SDK1: variants seen among roughly 807,000 people sequenced by gnomAD.
The protein encoded by SDK1 is protein sidekick-1.
In SDK1, 157 loss-of-function variants were observed where a neutral mutation model predicts 245.5. That is an observed-to-expected ratio of 0.64 (90% CI 0.56 to 0.73). The LOEUF (loss-of-function observed/expected upper bound fraction) is 0.73, where lower values mean the gene tolerates loss of function less well. SDK1 is among the 30% of genes least tolerant of loss of function. The pLI is 0.00. For missense variants in SDK1, 3,583 were observed against 3,002.3 expected, an observed-to-expected ratio of 1.19 and a Z score of -4.52; for synonymous variants, 1,647 against 1,278.5, an observed-to-expected ratio of 1.29 and a Z score of -6.15.
In SDK1 at chr7:3,535,273, TAATA is replaced by T. The variant is rs79935479; in HGVS notation, c.299-83800_299-83797del. ...GAGTGAGACTTTGTCTCCAAAAAAA[TAATA>T]AATAAAGAAAAAGAAAACTGTTAGG... On this transcript the variant is annotated intron_variant, in intron 1 of 44. Coordinates refer to ENST00000404826, the MANE Select transcript of SDK1 (RefSeq NM_152744.4). Among the ~76,000 whole-genome samples, 67 of 152,148 alleles carry T rather than the reference TAATA, an allele frequency of 4.4e-4. 1 individual carries two copies. Among genetic ancestry groups the T allele is most frequent in the Non-Finnish European group, 5.7e-4 (39 of 67,986 alleles).
At chr7:3,792,712 C>G (rs1778842153) in intron 4 of SDK1, among the ~76,000 whole-genome samples, 1 of 151,876 alleles carries the variant, frequency 6.6e-6, no homozygotes, top group African/African-American at 2.4e-5. Flanking sequence ...ATCCATCCAT[C>G]CATCCATCCG....
intron 44 of SDK1, among the ~76,000 whole-genome samples, chr7:4,262,713 C>T (rs1196038923): frequency 2.9e-5 from 4 of 138,200 alleles, no homozygotes; most frequent in Admixed American, 7.2e-5. Flanking sequence ...CATCACCTCC[C>T]CCATCCCCTC....
intron 4 of SDK1, among the ~76,000 whole-genome samples, chr7:3,716,262 T>G (rs1583335700): frequency 2.6e-5 from 4 of 151,190 alleles, no homozygotes; most frequent in Admixed American, 2.6e-4. Context: ...CTTTCTAAAT[T>G]GGGGGAAAAA....
intron 1 of SDK1, among the ~76,000 whole-genome samples, chr7:3,595,658 C>G (rs60347773): frequency 2.6e-5 from 4 of 151,666 alleles, no homozygotes. Context: ...TTGACCTTGA[C>G]TCTGCCACTT....
At chr7:4,180,250 GCCCGGCTCCAGCTCTATGCCCAGTA>G (rs1782516814) in intron 35 of SDK1, among the ~76,000 whole-genome samples, 1 of 145,128 alleles carries the variant, frequency 6.9e-6, no homozygotes, top group Admixed American at 6.8e-5. Context: ...TATGCCCAGT[GCCCGGCTCCAGCTCTATGCCCAGTA>G]CCCGGCTCTA....
At chr7:3,907,921 G>A (rs1264842748) in intron 5 of SDK1, among the ~76,000 whole-genome samples, 1 of 152,202 alleles carries the variant, frequency 6.6e-6, no homozygotes, top group Non-Finnish European at 1.5e-5. Context: ...GCTTGTGTGT[G>A]TATTGTTTAC....
chr7:3,375,469 G>A (rs1346341053), intron 1 of SDK1, among the ~76,000 whole-genome samples: 8 of 152,276 alleles, frequency 5.3e-5, no homozygotes, highest in East Asian at 1.9e-4. Flanking sequence ...ATTCTTATCC[G>A]TGTATAGACT....
intron 1 of SDK1, among the ~76,000 whole-genome samples, chr7:3,545,638 C>A (rs953084523): frequency 1.3e-5 from 2 of 152,160 alleles, no homozygotes; most frequent in African/African-American, 4.8e-5. Context: ...CCTGGCAACC[C>A]TCTGCTATGG....
intron 1 of SDK1, among the ~76,000 whole-genome samples, chr7:3,475,469 G>A (rs776075173): frequency 1.5e-4 from 23 of 152,298 alleles, no homozygotes; most frequent in African/African-American, 5.3e-4. Context: ...GTGCTGCGAT[G>A]ACTTGATTTC....
intron 4 of SDK1, among the ~76,000 whole-genome samples, chr7:3,731,752 A>G (rs569148924): frequency 6.6e-6 from 1 of 152,256 alleles, no homozygotes; most frequent in South Asian, 2.1e-4. Flanking sequence ...AGGAGAAAAA[A>G]ATTCTCCATG....
chr7:4,182,463 A>C (rs1005486270), intron 35 of SDK1, among the ~76,000 whole-genome samples: 1 of 152,160 alleles, frequency 6.6e-6, no homozygotes, highest in Non-Finnish European at 1.5e-5. Context: ...GAGGTTCCCA[A>C]ACTTCCACAG....
intron 1 of SDK1, among the ~76,000 whole-genome samples, chr7:3,481,718 T>C (rs998145983): frequency 1.3e-4 from 20 of 152,246 alleles, no homozygotes; most frequent in African/African-American, 4.8e-4. Flanking sequence ...ATCTAGTTTC[T>C]GCTTCCCTGC....
At chr7:3,777,216 C>A (rs1371809050) in intron 4 of SDK1, among the ~76,000 whole-genome samples, 1 of 152,176 alleles carries the variant, frequency 6.6e-6, no homozygotes, top group East Asian at 1.9e-4. Flanking sequence ...TAACTGCAGA[C>A]CTGTGCAGAA....
chr7:3,898,842 C>T (rs1781689224), intron 5 of SDK1, among the ~76,000 whole-genome samples: 1 of 152,104 alleles, frequency 6.6e-6, no homozygotes, highest in Non-Finnish European at 1.5e-5. Flanking sequence ...GAAGTTCATT[C>T]TTTACTAGGC....
At chr7:3,313,972 C>G (rs898181366) in intron 1 of SDK1, among the ~76,000 whole-genome samples, 3 of 152,062 alleles carry the variant, frequency 2.0e-5, no homozygotes, top group South Asian at 2.1e-4. Context: ...CATCTAATGC[C>G]TCAGTGAATA....
intron 1 of SDK1, among the ~76,000 whole-genome samples, chr7:3,608,557 T>G (rs761513482): frequency 1.3e-5 from 2 of 152,204 alleles, no homozygotes; most frequent in African/African-American, 2.4e-5. Flanking sequence ...ATGCCCACCA[T>G]GAGCTTGACA....
intron 1 of SDK1, among the ~76,000 whole-genome samples, chr7:3,409,201 T>C (rs562553711): frequency 2.0e-5 from 3 of 152,338 alleles, no homozygotes; most frequent in South Asian, 2.1e-4. Flanking sequence ...TGTTGGTGTT[T>C]CTACACTCCT....
At chr7:3,691,917 C>T (rs191448364) in intron 4 of SDK1, among the ~76,000 whole-genome samples, 1 of 152,158 alleles carries the variant, frequency 6.6e-6, no homozygotes, top group East Asian at 1.9e-4. Flanking sequence ...GCCTTTTATC[C>T]TGCAGGATTC....
chr7:3,483,045 T>A (rs1023823971), intron 1 of SDK1, among the ~76,000 whole-genome samples: 1 of 151,482 alleles, frequency 6.6e-6, no homozygotes, highest in African/African-American at 2.5e-5. Flanking sequence ...GTAAACTTTT[T>A]AAAATGTTCA....
Sources: gnomAD v4.1 joint callset for allele counts (sites outside exome capture counted in the v4.1 genomes callset) on GRCh38, gnomAD v4.1.1 for gene constraint, MANE v1.5 for transcripts, NCBI Gene and HGNC (gene_info 2026-07-23, HGNC 2026-07-21) for gene names.